Variants in LNPEP observed in about 807,000 individuals in gnomAD.
LNPEP encodes the protein leucyl and cystinyl aminopeptidase.
In LNPEP, 64 loss-of-function variants were observed where a neutral mutation model predicts 120.6. The observed-to-expected ratio is 0.53, with a 90% CI of 0.43 to 0.65. The LOEUF (loss-of-function observed/expected upper bound fraction) is 0.65. Ranked by LOEUF, LNPEP falls within the 30% of genes least tolerant of loss-of-function variation. The pLI is 0.00. For missense variants in LNPEP, 1,057 were observed against 1,200.0 expected, an observed-to-expected ratio of 0.88 and a Z score of 1.76; for synonymous variants, 435 against 425.4, an observed-to-expected ratio of 1.02 and a Z score of -0.28.
chr5:97,000,441 T>C (rs1425762240), intron 8 of LNPEP, among the ~76,000 whole-genome samples: 1 of 95,018 alleles, frequency 1.1e-5, no homozygotes, highest in Non-Finnish European at 2.1e-5. Flanking sequence ...TTGGGAAATT[T>C]CCCACTATTG....
Position 97,032,946 on chromosome 5 carries a change from A to G in LNPEP, c.*4413A>G, listed in dbSNP as rs1561459690. On this transcript the variant is annotated 3_prime_UTR_variant, in exon 18 of 18. Transcript: ENST00000231368. ...GCCACCTTTTTATACTTCATTTTAT[A>G]CTTGTTTCCTTGTATGGATGCATAT... The G allele has an allele frequency of 1.3e-5, 2 of 152,140 alleles. No individual in the cohort carries two copies. Among genetic ancestry groups the G allele is most frequent in the East Asian group, 3.8e-4 (2 of 5,200 alleles). The allele number at this position is 152,140 out of a possible 1,614,324, so 9.4% of individuals were successfully genotyped here.
chr5:97,012,088 T>C (rs945672928), intron 11 of LNPEP, among the ~76,000 whole-genome samples: 2 of 152,206 alleles, frequency 1.3e-5, no homozygotes, highest in Non-Finnish European at 2.9e-5. Flanking sequence ...TACAGAATTA[T>C]AATGATAGTG....
chr5:97,020,538 C>CA (rs1192437951), intron 13 of LNPEP, among the ~76,000 whole-genome samples: 1 of 152,118 alleles, frequency 6.6e-6, no homozygotes, highest in Non-Finnish European at 1.5e-5. Flanking sequence ...TATGGTGGCT[C>CA]ACGCCCGTAA....
chr5:97,010,525 C>A, intron 11 of LNPEP: 1 of 984,510 alleles, frequency 1.0e-6, no homozygotes, highest in Middle Eastern at 5.2e-4. Context: ...TGATGCTAGC[C>A]CTCTGGAGCA....
intron 1 of LNPEP, chr5:96,942,903 C>CT (rs1448455234): frequency 6.5e-6 from 1 of 154,276 alleles, no homozygotes; most frequent in Non-Finnish European, 1.4e-5. Flanking sequence ...AAGAATCACT[C>CT]TAACGAGCTG....
At chr5:96,959,150 A>C (rs1789539205) in intron 1 of LNPEP, among the ~76,000 whole-genome samples, 1 of 152,056 alleles carries the variant, frequency 6.6e-6, no homozygotes, top group Admixed American at 6.5e-5. Context: ...TTTCCATCTC[A>C]AGGTCTGTAA....
chr5:96,936,382 T>G, intron 1 of LNPEP: 1 of 390,650 alleles, frequency 2.6e-6, no homozygotes. Context: ...GGGGCTGGCT[T>G]GAAGGTCAGC....
At chr5:96,941,831 A>G (rs181593892) in intron 1 of LNPEP, among the ~76,000 whole-genome samples, 35 of 152,362 alleles carry the variant, frequency 2.3e-4, no homozygotes, top group African/African-American at 8.2e-4. Flanking sequence ...GAAGAGGAGA[A>G]TCAATGATGA....
intron 11 of LNPEP, chr5:97,010,127 G>A (rs1790890585): frequency 1.2e-5 from 3 of 250,096 alleles, no homozygotes; most frequent in Non-Finnish European, 1.9e-5. Context: ...ATGCTGATGG[G>A]GCCATTTTTC....
intron 1 of LNPEP, among the ~76,000 whole-genome samples, chr5:96,954,618 CTATA>C (rs1168984975): frequency 3.5e-5 from 2 of 57,536 alleles, no homozygotes; most frequent in African/African-American, 5.8e-5. Context: ...CTCTCTCTCT[CTATA>C]TATATATATA....
intron 8 of LNPEP, among the ~76,000 whole-genome samples, chr5:96,999,507 A>G (rs139341100): frequency 4.0e-4 from 61 of 152,316 alleles, no homozygotes; most frequent in African/African-American, 1.4e-3. Flanking sequence ...ATCTATTCCA[A>G]TTAGAGCTAC....
At chr5:96,945,405 C>CA (rs751074987) in intron 1 of LNPEP, among the ~76,000 whole-genome samples, 3,939 of 64,864 alleles carry the variant, frequency 0.061, 89 homozygotes, top group Middle Eastern at 0.095. Context: ...GACCCTATCT[C>CA]AAAAAAAAAA....
intron 15 of LNPEP, among the ~76,000 whole-genome samples, chr5:97,025,593 G>A (rs1434579967): frequency 6.6e-6 from 1 of 152,040 alleles, no homozygotes; most frequent in East Asian, 1.9e-4. Context: ...TTCCATTCTC[G>A]TTTTCTCTGT....
chr5:96,936,934 T>G (rs1392449297), intron 1 of LNPEP: 1 of 152,268 alleles, frequency 6.6e-6, no homozygotes, highest in African/African-American at 2.4e-5. Context: ...AGCCCTTCAC[T>G]GAACGGGGAG....
intron 15 of LNPEP, among the ~76,000 whole-genome samples, chr5:97,026,316 T>C (rs1371355880): frequency 6.6e-6 from 1 of 152,096 alleles, no homozygotes; most frequent in Admixed American, 6.5e-5. Context: ...CAGAAAAAAA[T>C]ACCCACCTCC....
intron 1 of LNPEP, among the ~76,000 whole-genome samples, chr5:96,978,245 T>C (rs1237307109): frequency 6.6e-6 from 1 of 152,130 alleles, no homozygotes; most frequent in African/African-American, 2.4e-5. Flanking sequence ...TTCTAGAGTC[T>C]TTTTTCTCAG....
chr5:96,968,828 T>C (rs976766209), intron 1 of LNPEP, among the ~76,000 whole-genome samples: 2 of 152,066 alleles, frequency 1.3e-5, no homozygotes, highest in Admixed American at 6.6e-5. Context: ...GTTTGTAACA[T>C]GTGTATGGTC....
At chr5:96,991,384 T>C (rs868327331) in intron 4 of LNPEP, among the ~76,000 whole-genome samples, 12 of 152,214 alleles carry the variant, frequency 7.9e-5, no homozygotes, top group African/African-American at 2.4e-4. Flanking sequence ...ATCTCCACAC[T>C]GTTTTCTATA....
At chr5:96,983,658 G>A (rs1207178377) in intron 2 of LNPEP, among the ~76,000 whole-genome samples, 3 of 152,112 alleles carry the variant, frequency 2.0e-5, no homozygotes, top group African/African-American at 4.8e-5. Context: ...TGTTGGCCAG[G>A]CTGGTCTCAA....
Sources: allele counts gnomAD v4.1 joint callset (sites outside exome capture counted in the v4.1 genomes callset), GRCh38; gene constraint gnomAD v4.1.1; transcripts MANE v1.5; gene names NCBI Gene and HGNC (gene_info 2026-07-23, HGNC 2026-07-21).